Variants in TBC1D30 observed in about 807,000 individuals in gnomAD.
TBC1D30 encodes the protein TBC1 domain family, member 30.
In TBC1D30, 31 loss-of-function variants were observed where a neutral mutation model predicts 63.2. That is an observed-to-expected ratio of 0.49 (90% CI 0.37 to 0.66). The LOEUF is 0.66. Ranked by LOEUF, TBC1D30 falls within the 30% of genes least tolerant of loss-of-function variation. The probability of loss-of-function intolerance (pLI) is 0.00; values close to 1 mark genes in which losing one functional copy is unlikely to be tolerated. For synonymous variants in TBC1D30, 307 were observed against 361.5 expected (o/e 0.85, Z 1.71); for missense variants, 810 against 953.6 (o/e 0.85, Z 1.98).
intron 2 of TBC1D30, among the ~76,000 whole-genome samples, chr12:64,795,129 C>G (rs937128676): frequency 1.1e-4 from 17 of 152,146 alleles, no homozygotes; most frequent in Admixed American, 1.0e-3. Flanking sequence ...GGCTTATTGA[C>G]TTTGAGCTTC....
At chr12:64,821,284 A>G (rs539592317), upstream of TBC1D30, among the ~76,000 whole-genome samples, 1 of 152,344 alleles carries the variant, frequency 6.6e-6, no homozygotes, top group South Asian at 2.1e-4. Context: ...TCAAATGACA[A>G]TCCAAAGTTT....
chr12:64,878,311 G>A lies in TBC1D30; in HGVS notation c.*2523G>A, dbSNP rs925145818. The A allele has an allele frequency of 5.3e-6, 2 of 376,842 alleles. No individual in the cohort carries two copies. Among genetic ancestry groups the A allele is most frequent in the Admixed American group, 3.3e-5 (1 of 30,466 alleles). 23.3% of individuals were successfully genotyped at this position (376,842 alleles called of 1,614,324 possible). On this transcript the variant is annotated 3_prime_UTR_variant, in exon 12 of 12. Transcript: ENST00000539867. Reference sequence around the variant, plus strand: ...TGCAGTAGCCTCTACCACACAGCATGTACAAAGACCAGTATGGACTTGCTA... The same window carrying A: ...TGCAGTAGCCTCTACCACACAGCATATACAAAGACCAGTATGGACTTGCTA...
chr12:64,776,757 A>G (rs940713543), upstream of TBC1D30, among the ~76,000 whole-genome samples: 5 of 152,222 alleles, frequency 3.3e-5, no homozygotes, highest in African/African-American at 4.8e-5. Context: ...AACTCATTCT[A>G]TGAGGCCAGC....
Position 64,836,470 on chromosome 12 carries a change from C to G in TBC1D30, c.595-20C>G, listed in dbSNP as rs142201037. 3.3e-5 allele frequency: 51 copies of G among 1,528,344 alleles called. No homozygotes were observed. The highest frequency in any genetic ancestry group is 4.3e-5 in the Non-Finnish European group (49 of 1,141,362). 94.7% of individuals were successfully genotyped at this position (1,528,344 alleles called of 1,614,324 possible). A position where few individuals can be genotyped will look rare whatever the true frequency, so the allele number is the denominator to read the frequency against. On this transcript the variant is annotated intron_variant, in intron 5 of 11. Coordinates refer to ENST00000539867, the MANE Select transcript of TBC1D30 (RefSeq NM_015279.2). ...CCAGTTTTTACAAAGCAGTCTTAAGCTTTATCTTTTTTTCTTTAGATTATG... is the reference window on the plus strand; with the variant it reads ...CCAGTTTTTACAAAGCAGTCTTAAGGTTTATCTTTTTTTCTTTAGATTATG...
chr12:64,800,539 C>T (rs1872540612), intron 2 of TBC1D30, among the ~76,000 whole-genome samples: 1 of 151,966 alleles, frequency 6.6e-6, no homozygotes, highest in South Asian at 2.1e-4. Flanking sequence ...TTCAGTGGGA[C>T]TGGAGAGTGT....
At chr12:64,852,371 T>C (rs544464564) in intron 8 of TBC1D30, among the ~76,000 whole-genome samples, 1 of 152,304 alleles carries the variant, frequency 6.6e-6, no homozygotes, top group South Asian at 2.1e-4. Flanking sequence ...TATGTTCTTC[T>C]CTAAACTGGT....
intron 4 of TBC1D30, among the ~76,000 whole-genome samples, chr12:64,831,384 G>A (rs1184387644): frequency 6.6e-6 from 1 of 152,204 alleles, no homozygotes; most frequent in Non-Finnish European, 1.5e-5. Flanking sequence ...CAGAGATGAA[G>A]TATCTCATAT....
intron 8 of TBC1D30, among the ~76,000 whole-genome samples, chr12:64,854,675 T>G (rs989821777): frequency 3.9e-5 from 6 of 152,122 alleles, no homozygotes; most frequent in Non-Finnish European, 5.9e-5. Flanking sequence ...TTTTGTATTG[T>G]TAGTAGAGAC....
At chr12:64,868,440 G>A in intron 10 of TBC1D30, 2 of 226,538 alleles carry the variant, frequency 8.8e-6, no homozygotes, top group South Asian at 1.3e-4. Flanking sequence ...TGACAGTTTG[G>A]GTTCTGTAAG....
intron 1 of TBC1D30, among the ~76,000 whole-genome samples, chr12:64,782,600 A>C (rs1025026890): frequency 1.3e-5 from 2 of 152,162 alleles, no homozygotes; most frequent in Non-Finnish European, 2.9e-5. Context: ...TCTTTTTACA[A>C]GGTTTTACAT....
intron 2 of TBC1D30, among the ~76,000 whole-genome samples, chr12:64,799,665 TC>T (rs1872491562): frequency 6.6e-6 from 1 of 152,252 alleles, no homozygotes; most frequent in Non-Finnish European, 1.5e-5. Context: ...TCTGTGTGTT[TC>T]CATTGAGAAT....
chr12:64,807,432 CTTTTGCAAGATGAAAAGAGTTCT>C (rs1023895535), intron 2 of TBC1D30, among the ~76,000 whole-genome samples: 9 of 152,126 alleles, frequency 5.9e-5, no homozygotes, highest in African/African-American at 1.7e-4. Flanking sequence ...TAAAGTTTCA[CTTTTGCAAGATGAAAAGAGTTCT>C]GGAGATTGGG....
chr12:64,822,185 AT>A (rs200207723), upstream of TBC1D30, among the ~76,000 whole-genome samples: 5 of 151,064 alleles, frequency 3.3e-5, no homozygotes, highest in Non-Finnish European at 5.9e-5. Flanking sequence ...AATAGCAGCC[AT>A]TTTTTTTTCT....
chr12:64,765,372 C>G (rs533762554), intron 1 of TBC1D30, among the ~76,000 whole-genome samples: 37 of 150,966 alleles, frequency 2.5e-4, no homozygotes, highest in African/African-American at 8.8e-4. Flanking sequence ...GCCTGTAGTC[C>G]CAGCTACTCA....
At chr12:64,770,763 G>A (rs1199819519) in intron 1 of TBC1D30, among the ~76,000 whole-genome samples, 2 of 151,372 alleles carry the variant, frequency 1.3e-5, no homozygotes, top group Admixed American at 1.3e-4. Context: ...GAGTGCAGTG[G>A]TGCGATCTCA....
intron 2 of TBC1D30, among the ~76,000 whole-genome samples, chr12:64,807,179 G>A (rs931188204): frequency 6.6e-6 from 1 of 152,184 alleles, no homozygotes; most frequent in Non-Finnish European, 1.5e-5. Flanking sequence ...ATGATAGTGA[G>A]TTCTCACAAG....
At chr12:64,866,237 A>G (rs1173337116) in intron 9 of TBC1D30, among the ~76,000 whole-genome samples, 1 of 152,202 alleles carries the variant, frequency 6.6e-6, no homozygotes, top group Non-Finnish European at 1.5e-5. Context: ...AGTTATGCAA[A>G]AAGAAGAGAA....
At chr12:64,781,050 T>G in exon 1 of TBC1D30, 5 of 1,019,778 alleles carry the variant, frequency 4.9e-6, no homozygotes, top group Non-Finnish European at 5.9e-6. Context: ...ACGGCGTCCC[T>G]GGTGAGCGGG....
chr12:64,830,578 G>T, intron 4 of TBC1D30, 76 bp downstream of exon 4: 2 of 1,280,490 alleles, frequency 1.6e-6, no homozygotes, highest in South Asian at 2.1e-5. Flanking sequence ...TTGGACAGAG[G>T]ATCAAATGAT....
Sources: gnomAD v4.1 joint callset for allele counts (sites outside exome capture counted in the v4.1 genomes callset) on GRCh38, gnomAD v4.1.1 for gene constraint, MANE v1.5 for transcripts, NCBI Gene and HGNC (gene_info 2026-07-23, HGNC 2026-07-21) for gene names.